ASTN2: variants seen among roughly 807,000 people sequenced by gnomAD.
ASTN2 encodes astrotactin 2.
ASTN2 carries 54 observed loss-of-function variants against 139.8 expected under a neutral mutation model. That is an observed-to-expected ratio of 0.39 (90% CI 0.31 to 0.48). The LOEUF (loss-of-function observed/expected upper bound fraction) is 0.48, where lower values mean the gene tolerates loss of function less well. Ranked by LOEUF, ASTN2 falls within the 20% of genes least tolerant of loss-of-function variation. The probability of loss-of-function intolerance (pLI) is 0.95; values close to 1 mark genes in which losing one functional copy is unlikely to be tolerated. For synonymous variants in ASTN2, 756 were observed against 719.5 expected (o/e 1.05, Z -0.81); for missense variants, 1,565 against 1,725.1 (o/e 0.91, Z 1.64).
At chr9:116,636,679 G>GA (rs991483352) in intron 17 of ASTN2, among the ~76,000 whole-genome samples, 20 of 146,022 alleles carry the variant, frequency 1.4e-4, no homozygotes, top group African/African-American at 3.0e-4. Context: ...TCATCTCAAA[G>GA]AAAAAAAAAA....
intron 13 of ASTN2, among the ~76,000 whole-genome samples, chr9:116,804,411 C>T (rs1024813575): frequency 2.6e-5 from 4 of 152,108 alleles, no homozygotes; most frequent in African/African-American, 4.8e-5. Context: ...GGCTCTCCTA[C>T]TTCCTAGAAG....
At chr9:116,905,162 C>T (rs1252536348) in intron 10 of ASTN2, among the ~76,000 whole-genome samples, 1 of 141,884 alleles carries the variant, frequency 7.0e-6, no homozygotes, top group Non-Finnish European at 1.5e-5. Flanking sequence ...CTGGAGGGGC[C>T]GCGGGTGGGT....
intron 10 of ASTN2, among the ~76,000 whole-genome samples, chr9:116,948,880 C>T (rs138135524): frequency 7.0e-6 from 1 of 143,324 alleles, no homozygotes; most frequent in Non-Finnish European, 1.5e-5. Context: ...GCAACCTCCA[C>T]CTCCTGGTTT....
At chr9:117,025,316 C>T (rs1427362802) in intron 6 of ASTN2, among the ~76,000 whole-genome samples, 5 of 152,136 alleles carry the variant, frequency 3.3e-5, no homozygotes, top group African/African-American at 4.8e-5. Context: ...AGCTACTTGG[C>T]AATATGCCCA....
intron 1 of ASTN2, among the ~76,000 whole-genome samples, chr9:117,343,778 G>C (rs1019828903): frequency 4.6e-5 from 7 of 152,118 alleles, no homozygotes; most frequent in African/African-American, 1.7e-4. Context: ...TTTCCTACTA[G>C]AATGTGCATG....
chr9:116,614,468 A>G (rs867355756), intron 19 of ASTN2, among the ~76,000 whole-genome samples: 15 of 152,314 alleles, frequency 9.8e-5, no homozygotes, highest in Middle Eastern at 6.8e-3. Flanking sequence ...CCTGACTTCA[A>G]ACTATACTAA....
intron 5 of ASTN2, among the ~76,000 whole-genome samples, chr9:117,066,289 A>G (rs1199660158): frequency 1.4e-5 from 2 of 145,984 alleles, no homozygotes; most frequent in African/African-American, 2.5e-5. Context: ...TGTTCTTGTG[A>G]TAGTTTACTG....
At chr9:117,351,146 CA>C (rs1304477778) in intron 1 of ASTN2, among the ~76,000 whole-genome samples, 3 of 151,962 alleles carry the variant, frequency 2.0e-5, no homozygotes, top group Non-Finnish European at 4.4e-5. Context: ...AATGAAGTAA[CA>C]AAAAACTTAA....
At chr9:116,837,396 T>C (rs1832035398) in intron 11 of ASTN2, among the ~76,000 whole-genome samples, 3 of 152,046 alleles carry the variant, frequency 2.0e-5, no homozygotes, top group Middle Eastern at 3.4e-3. Flanking sequence ...CTCTGAGCCT[T>C]GAGATTTTGA....
chr9:116,499,331 A>C (rs1849778318), intron 19 of ASTN2, among the ~76,000 whole-genome samples: 2 of 152,132 alleles, frequency 1.3e-5, no homozygotes, highest in African/African-American at 4.8e-5. Context: ...CAAGGCAGGG[A>C]TGATGCCGGA....
chr9:116,457,546 A>T (rs997018538), intron 20 of ASTN2, among the ~76,000 whole-genome samples: 3 of 152,204 alleles, frequency 2.0e-5, no homozygotes, highest in Non-Finnish European at 4.4e-5. Flanking sequence ...AAAAGATCTG[A>T]ATAGACATTT....
At chr9:116,620,204 G>T (rs953751584) in intron 18 of ASTN2, 106 bp downstream of exon 18, 1 of 1,525,218 alleles carries the variant, frequency 6.6e-7, no homozygotes, top group East Asian at 2.3e-5. Flanking sequence ...TGAGGATCTT[G>T]TTAGGCACCT....
chr9:117,336,123 AGTCT>A (rs1828875977), intron 1 of ASTN2, among the ~76,000 whole-genome samples: 2 of 151,842 alleles, frequency 1.3e-5, no homozygotes, highest in Non-Finnish European at 2.9e-5. Flanking sequence ...CTCTTTTCTA[AGTCT>A]GTCTGTAAAA....
At chr9:117,355,688 T>A (rs940196426) in intron 1 of ASTN2, among the ~76,000 whole-genome samples, 1 of 152,154 alleles carries the variant, frequency 6.6e-6, no homozygotes, top group African/African-American at 2.4e-5. Flanking sequence ...CTGAGGAGGA[T>A]TCATCTGCTG....
intron 12 of ASTN2, among the ~76,000 whole-genome samples, chr9:116,815,211 G>A (rs1002485584): frequency 6.6e-6 from 1 of 152,130 alleles, no homozygotes; most frequent in Non-Finnish European, 1.5e-5. Flanking sequence ...CTAGACTTCA[G>A]CTTTGACAAT....
intron 20 of ASTN2, among the ~76,000 whole-genome samples, chr9:116,467,290 C>CA (rs1244798073): frequency 2.0e-5 from 3 of 151,810 alleles, no homozygotes; most frequent in Non-Finnish European, 2.9e-5. Flanking sequence ...TCTTTTGAGA[C>CA]AGAGTCTCGC....
intron 3 of ASTN2, among the ~76,000 whole-genome samples, chr9:117,148,900 G>A (rs113749593): frequency 0.011 from 1,736 of 152,112 alleles, 33 homozygotes; most frequent in African/African-American, 0.039. Flanking sequence ...GACTTGAGCC[G>A]CAATATCAAC....
chr9:117,034,871 G>A (rs984535339), intron 6 of ASTN2, among the ~76,000 whole-genome samples: 1 of 152,220 alleles, frequency 6.6e-6, no homozygotes, highest in Non-Finnish European at 1.5e-5. Context: ...GATTTGCCAA[G>A]GGTTTGGATA....
intron 19 of ASTN2, among the ~76,000 whole-genome samples, chr9:116,595,567 C>T (rs995890897): frequency 3.9e-5 from 6 of 152,000 alleles, no homozygotes; most frequent in East Asian, 1.9e-4. Flanking sequence ...CCTCATGGTC[C>T]GCCCACCTCA....
Sources: allele counts gnomAD v4.1 joint callset (sites outside exome capture counted in the v4.1 genomes callset), GRCh38; gene constraint gnomAD v4.1.1; transcripts MANE v1.5; gene names NCBI Gene and HGNC (gene_info 2026-07-23, HGNC 2026-07-21).